Variants in NCEH1 observed in about 807,000 individuals in gnomAD.
NCEH1 encodes 2-acetyl MAGE hydrolase.
Under a neutral mutation model 25.4 loss-of-function variants are expected in NCEH1, and 9 were observed. That is an observed-to-expected ratio of 0.35 (90% CI 0.21 to 0.62). NCEH1 has a LOEUF of 0.62. Among genes scored for constraint, NCEH1 ranks in the 20% least tolerant of loss-of-function variants. NCEH1 has a pLI of 0.72. For missense variants in NCEH1, 412 were observed against 501.1 expected (o/e 0.82, Z 1.70); for synonymous variants, 200 against 199.8 (o/e 1.00, Z -0.01).
chr3:172,642,590 C>A, intron 3 of NCEH1, among the ~76,000 whole-genome samples: 1 of 107,572 alleles, frequency 9.3e-6, no homozygotes, highest in Non-Finnish European at 1.7e-5. Context: ...GGATTACTAT[C>A]TTGCTATTTC....
chr3:172,679,149 A>C (rs1712200631), intron 1 of NCEH1, among the ~76,000 whole-genome samples: 1 of 152,232 alleles, frequency 6.6e-6, no homozygotes, highest in South Asian at 2.1e-4. Flanking sequence ...GGAAGGAGGA[A>C]GTAACTTGTG....
chr3:172,643,558 A>C (rs984945526), intron 3 of NCEH1, among the ~76,000 whole-genome samples: 1 of 152,142 alleles, frequency 6.6e-6, no homozygotes, highest in African/African-American at 2.4e-5. Context: ...GTCCCTTCTA[A>C]ATTTTAGCCC....
At chr3:172,651,967 A>G (rs968427507) in intron 1 of NCEH1, among the ~76,000 whole-genome samples, 2 of 152,226 alleles carry the variant, frequency 1.3e-5, no homozygotes, top group African/African-American at 4.8e-5. Context: ...AGGGGAAGAG[A>G]AAGTGTTGCA....
chr3:172,642,437 A>G (rs1271549536), intron 3 of NCEH1, among the ~76,000 whole-genome samples: 3 of 151,864 alleles, frequency 2.0e-5, no homozygotes, highest in Non-Finnish European at 4.4e-5. Flanking sequence ...CAGCCTCCCA[A>G]CGTGTTGGGA....
intron 1 of NCEH1, among the ~76,000 whole-genome samples, chr3:172,674,418 C>T (rs1040593144): frequency 1.5e-5 from 2 of 135,682 alleles, no homozygotes; most frequent in African/African-American, 5.6e-5. Flanking sequence ...ACTCCAGCCT[C>T]GGCGACTGGG....
intron 1 of NCEH1, among the ~76,000 whole-genome samples, chr3:172,687,661 G>A (rs185210520): frequency 1.3e-5 from 2 of 152,324 alleles, no homozygotes; most frequent in Admixed American, 6.5e-5. Flanking sequence ...AGCAGCTGCT[G>A]CTCAGCCACA....
chr3:172,643,158 C>T (rs184294028), intron 3 of NCEH1, among the ~76,000 whole-genome samples: 87 of 152,098 alleles, frequency 5.7e-4, no homozygotes, highest in African/African-American at 2.0e-3. Context: ...TCAGGCTGGT[C>T]TCGAACTCCC....
At chr3:172,677,747 C>T (rs1448516668) in intron 1 of NCEH1, among the ~76,000 whole-genome samples, 1 of 152,102 alleles carries the variant, frequency 6.6e-6, no homozygotes, top group African/African-American at 2.4e-5. Flanking sequence ...GCTAACACAG[C>T]GAAACCCCGT....
chr3:172,660,442 G>T (rs1193548851), intron 1 of NCEH1, among the ~76,000 whole-genome samples: 2 of 152,090 alleles, frequency 1.3e-5, no homozygotes, highest in Admixed American at 1.3e-4. Context: ...ACATACATGT[G>T]CATGTGTCTT....
chr3:172,638,478 G>A, intron 3 of NCEH1, among the ~76,000 whole-genome samples: 1 of 136,378 alleles, frequency 7.3e-6, no homozygotes, highest in Non-Finnish European at 1.5e-5. Context: ...CAAAAAAGTA[G>A]AATTACGCAG....
intron 1 of NCEH1, among the ~76,000 whole-genome samples, chr3:172,690,889 G>A (rs1389647402): frequency 6.6e-6 from 1 of 151,946 alleles, no homozygotes; most frequent in Non-Finnish European, 1.5e-5. Flanking sequence ...AATTTCTATA[G>A]CATGATTATC....
chr3:172,637,818 G>A (rs1393055420), intron 3 of NCEH1, among the ~76,000 whole-genome samples: 4 of 152,142 alleles, frequency 2.6e-5, no homozygotes, highest in Admixed American at 6.5e-5. Flanking sequence ...GAACCCAGGA[G>A]GCGGAGGTTG....
intron 1 of NCEH1, among the ~76,000 whole-genome samples, chr3:172,664,067 A>G (rs1382040878): frequency 6.6e-6 from 1 of 152,130 alleles, no homozygotes; most frequent in East Asian, 1.9e-4. Context: ...TGGTCTTTAC[A>G]ATTTGGCATG....
intron 1 of NCEH1, among the ~76,000 whole-genome samples, chr3:172,678,998 A>G (rs77085775): frequency 0.029 from 4,457 of 152,310 alleles, 159 homozygotes; most frequent in East Asian, 0.18. Context: ...GGTCATTTAT[A>G]ACCTGACGCA....
chr3:172,702,950 C>T (rs1361087377), intron 1 of NCEH1, among the ~76,000 whole-genome samples: 2 of 152,162 alleles, frequency 1.3e-5, no homozygotes, highest in African/African-American at 2.4e-5. Context: ...TGTGATCACA[C>T]CACTGCATCC....
intron 1 of NCEH1, among the ~76,000 whole-genome samples, chr3:172,683,863 T>C (rs528169577): frequency 2.0e-5 from 3 of 152,214 alleles, no homozygotes; most frequent in Non-Finnish European, 4.4e-5. Context: ...CCCAGTGATC[T>C]GGTAAAGAAA....
At chr3:172,645,837 G>C (rs912298175) in intron 2 of NCEH1, 145 bp from the exon 3 acceptor site, 6 of 500,232 alleles carry the variant, frequency 1.2e-5, no homozygotes, top group Admixed American at 6.9e-5. Context: ...AAATAATAGA[G>C]TTACATGTAC....
chr3:172,700,289 T>G (rs1380760576), intron 1 of NCEH1, among the ~76,000 whole-genome samples: 1 of 152,118 alleles, frequency 6.6e-6, no homozygotes, highest in African/African-American at 2.4e-5. Flanking sequence ...GAATCCCCAG[T>G]ATACTATACA....
intron 1 of NCEH1, among the ~76,000 whole-genome samples, chr3:172,704,010 A>G (rs1713843817): frequency 6.6e-6 from 1 of 152,220 alleles, no homozygotes; most frequent in Non-Finnish European, 1.5e-5. Flanking sequence ...CATCATCATA[A>G]TTTCTGGACA....
Sources: allele counts gnomAD v4.1 joint callset (sites outside exome capture counted in the v4.1 genomes callset), GRCh38; gene constraint gnomAD v4.1.1; transcripts MANE v1.5; gene names NCBI Gene and HGNC (gene_info 2026-07-23, HGNC 2026-07-21).